Variants in MAP4K5 observed in about 807,000 individuals in gnomAD.
MAP4K5 encodes the protein mitogen-activated protein kinase kinase kinase kinase 5.
A neutral mutation model predicts 135.6 loss-of-function variants in MAP4K5; 82 were observed. The ratio of observed to expected loss-of-function variants is 0.60; its 90% CI spans 0.51 to 0.73. MAP4K5 has a LOEUF of 0.73. Ranked by LOEUF, MAP4K5 falls within the 30% of genes least tolerant of loss-of-function variation. The probability of loss-of-function intolerance (pLI) is 0.00; values close to 1 mark genes in which losing one functional copy is unlikely to be tolerated. For missense variants in MAP4K5, 907 were observed against 1,010.9 expected, an observed-to-expected ratio of 0.90 and a Z score of 1.39; for synonymous variants, 347 against 335.0, an observed-to-expected ratio of 1.04 and a Z score of -0.39.
chr14:50,422,257 C>G (rs1018876689), intron 32 of MAP4K5, among the ~76,000 whole-genome samples: 1 of 152,270 alleles, frequency 6.6e-6, no homozygotes, highest in Non-Finnish European at 1.5e-5. Context: ...GGACGACTTA[C>G]TAAGTTGCCA....
chr14:50,495,924 T>C (rs2037581696), intron 3 of MAP4K5, among the ~76,000 whole-genome samples: 1 of 152,250 alleles, frequency 6.6e-6, no homozygotes, highest in Non-Finnish European at 1.5e-5. Flanking sequence ...CAAAGAGTTG[T>C]TGTTGTTTAA....
chr14:50,504,737 A>G lies in MAP4K5; in HGVS notation c.166+63T>C, dbSNP rs1015128192. On this transcript the variant is annotated intron_variant, in intron 3 of 32. Transcript: ENST00000682126. The stretch of plus-strand genomic sequence containing the variant: ...CATATAAAGACTTCTTCTGGGAAGA[A>G]GGGAAACAAGGAAAGAAATATGGAA... The G allele has an allele frequency of 2.4e-5, 28 of 1,173,274 alleles. No homozygotes were observed. In the Admixed American group the frequency reaches 3.3e-4, roughly 14 times the overall value. The allele number at this position is 1,173,274 out of a possible 1,614,324, so 72.7% of individuals were successfully genotyped here. A position where few individuals can be genotyped will look rare whatever the true frequency, so the allele number is the denominator to read the frequency against.
intron 2 of MAP4K5, among the ~76,000 whole-genome samples, chr14:50,519,459 A>C (rs148482158): frequency 1.3e-5 from 2 of 152,192 alleles, no homozygotes; most frequent in African/African-American, 4.8e-5. Flanking sequence ...GTTTGAGACA[A>C]GCCTGGCCAA....
At chr14:50,559,988 C>G in intron 1 of MAP4K5, 1 of 529,048 alleles carries the variant, frequency 1.9e-6, no homozygotes, top group Non-Finnish European at 3.4e-6. Context: ...GGTACGTGGT[C>G]TATCACTGTC....
At position 50,499,332 on chromosome 14, in the gene MAP4K5, T is replaced by C. The variant is rs144153083; in HGVS notation, c.166+5468A>G. On this transcript the variant is annotated intron_variant, in intron 3 of 32. Transcript: ENST00000682126. ...TGTAAAAATAATACTTATATAGAAC[T>C]AATAAAAACATTGGAACCAACAAGG... Among the ~76,000 whole-genome samples the C allele has an allele frequency of 2.0e-3, 301 of 152,132 alleles. 1 individual carries two copies. Among genetic ancestry groups the C allele is most frequent in the African/African-American group, 6.7e-3 (276 of 41,490 alleles).
intron 2 of MAP4K5, among the ~76,000 whole-genome samples, chr14:50,539,030 T>G (rs2038528851): frequency 6.6e-6 from 1 of 152,172 alleles, no homozygotes; most frequent in South Asian, 2.1e-4. Flanking sequence ...TTTCTGTGCT[T>G]TTTCTTCCCA....
chr14:50,534,210 A>G (rs1219383649), upstream of MAP4K5, among the ~76,000 whole-genome samples: 4 of 152,222 alleles, frequency 2.6e-5, no homozygotes, highest in African/African-American at 7.2e-5. Flanking sequence ...GCGTTACTCC[A>G]GGGAATTTCA....
rs111269923 is a variant in MAP4K5, at chr14:50,556,717, TA to T, written c.-180+4322del. On this transcript the variant is annotated intron_variant, in intron 1 of 8. Transcript: ENST00000555216. The stretch of plus-strand genomic sequence containing the variant: ...TGCCTCTTTAGATTTGCCTATTCTA[TA>T]AATTTCATATAAATGGAATCATATA... Among the ~76,000 whole-genome samples the T allele has an allele frequency of 3.3e-5, 5 of 152,342 alleles. 1 individual carries two copies. Among genetic ancestry groups the T allele is most frequent in the South Asian group, 2.1e-4 (1 of 4,828 alleles).
rs560463035 is a variant in MAP4K5, at chr14:50,437,406, C to T, written c.1882+70G>A. 75 of 1,214,090 alleles carry T rather than the reference C, an allele frequency of 6.2e-5. No homozygotes were observed. The East Asian group carries it at 7.6e-4, about 12-fold the overall frequency. The allele number at this position is 1,214,090 out of a possible 1,614,324, so 75.2% of individuals were successfully genotyped here. On this transcript the variant is annotated intron_variant, in intron 26 of 32. Transcript: ENST00000682126. ...ACCCTCCTTCCTATTTGATTCCATACGACTCTTCAGATAATTATAAAGATG... is the reference window on the plus strand; with the variant it reads ...ACCCTCCTTCCTATTTGATTCCATATGACTCTTCAGATAATTATAAAGATG...
intron 3 of MAP4K5, among the ~76,000 whole-genome samples, chr14:50,496,484 A>G (rs977411670): frequency 2.0e-5 from 3 of 152,094 alleles, no homozygotes; most frequent in African/African-American, 7.2e-5. Flanking sequence ...ATATATACAC[A>G]CACACATATA....
chr14:50,429,471 A>C (rs141062523), intron 28 of MAP4K5, among the ~76,000 whole-genome samples: 1 of 152,210 alleles, frequency 6.6e-6, no homozygotes, highest in African/African-American at 2.4e-5. Flanking sequence ...GCTGAAAAAA[A>C]CCTCAGTATT....
intron 3 of MAP4K5, among the ~76,000 whole-genome samples, chr14:50,502,992 A>G (rs1265970847): frequency 6.6e-6 from 1 of 152,014 alleles, no homozygotes; most frequent in Non-Finnish European, 1.5e-5. Flanking sequence ...AAATTGTTAT[A>G]ATTATCTAGG....
chr14:50,537,888 G>A (rs886172288), intron 2 of MAP4K5, among the ~76,000 whole-genome samples: 2 of 152,178 alleles, frequency 1.3e-5, no homozygotes, highest in African/African-American at 2.4e-5. Context: ...TTGGTGGAAG[G>A]GACTTGCCTT....
At chr14:50,547,882 AC>A (rs1341374030) in intron 1 of MAP4K5, among the ~76,000 whole-genome samples, 1 of 152,212 alleles carries the variant, frequency 6.6e-6, no homozygotes, top group Non-Finnish European at 1.5e-5. Context: ...CTTTCCAGGT[AC>A]TACCAAAAGG....
intron 6 of MAP4K5, among the ~76,000 whole-genome samples, chr14:50,479,248 A>T (rs2037181948): frequency 6.8e-6 from 1 of 147,288 alleles, no homozygotes; most frequent in Admixed American, 6.8e-5. Flanking sequence ...CACCAATTAT[A>T]TCCATATTAG....
chr14:50,492,711 A>C (rs1420666883), intron 3 of MAP4K5, among the ~76,000 whole-genome samples: 2 of 152,200 alleles, frequency 1.3e-5, no homozygotes, highest in Non-Finnish European at 2.9e-5. Context: ...TTGAGAAGTT[A>C]ATATCCAGAA....
chr14:50,487,752 G>C (rs1256563825), intron 3 of MAP4K5, among the ~76,000 whole-genome samples: 1 of 152,144 alleles, frequency 6.6e-6, no homozygotes, highest in Non-Finnish European at 1.5e-5. Context: ...GGTGACAGTA[G>C]AAAGTCTGCC....
chr14:50,467,407 T>A (rs2036856669), intron 10 of MAP4K5, among the ~76,000 whole-genome samples: 1 of 152,072 alleles, frequency 6.6e-6, no homozygotes, highest in South Asian at 2.1e-4. Context: ...AATTTTCTAA[T>A]CTCTTTAAAA....
intron 1 of MAP4K5, 77 bp from the exon 2 acceptor site, chr14:50,532,235 C>T: frequency 1.8e-6 from 1 of 555,894 alleles, no homozygotes; most frequent in Non-Finnish European, 3.2e-6. Context: ...GCGGCCCGGC[C>T]CCTTCCCTTC....
Sources: allele counts gnomAD v4.1 joint callset (sites outside exome capture counted in the v4.1 genomes callset), GRCh38; gene constraint gnomAD v4.1.1; transcripts MANE v1.5; gene names NCBI Gene and HGNC (gene_info 2026-07-23, HGNC 2026-07-21).